Variants in THADA observed in about 807,000 individuals in gnomAD.
THADA encodes tRNA (32-2'-O)-methyltransferase regulator THADA.
Under a neutral mutation model 219.8 loss-of-function variants are expected in THADA, and 213 were observed. The observed-to-expected ratio is 0.97, with a 90% CI of 0.87 to 1.09. The LOEUF (loss-of-function observed/expected upper bound fraction) is 1.09, where lower values mean the gene tolerates loss of function less well. Among genes scored for constraint, THADA ranks in the 50% least tolerant of loss-of-function variants. THADA has a pLI of 0.00. For missense variants in THADA, 2,956 were observed against 2,311.3 expected, an observed-to-expected ratio of 1.28 and a Z score of -5.72; for synonymous variants, 1,018 against 828.9, an observed-to-expected ratio of 1.23 and a Z score of -3.92.
At chr2:43,497,856 G>C (rs895354742) in intron 25 of THADA, among the ~76,000 whole-genome samples, 4 of 152,122 alleles carry the variant, frequency 2.6e-5, no homozygotes, top group Non-Finnish European at 4.4e-5. Context: ...CTGCACTCCA[G>C]CCTGGGTGAC....
intron 31 of THADA, among the ~76,000 whole-genome samples, chr2:43,317,923 G>A (rs1038852100): frequency 6.6e-6 from 1 of 152,090 alleles, no homozygotes; most frequent in Non-Finnish European, 1.5e-5. Context: ...TACCTTTTGG[G>A]TTATGATGTC....
chr2:43,412,371 T>A (rs1390596020), intron 28 of THADA, among the ~76,000 whole-genome samples: 1 of 152,228 alleles, frequency 6.6e-6, no homozygotes, highest in African/African-American at 2.4e-5. Context: ...TGAAATTCAA[T>A]ACTGTTTAAC....
At chr2:43,275,187 T>C (rs1672592613) in intron 36 of THADA, among the ~76,000 whole-genome samples, 1 of 152,054 alleles carries the variant, frequency 6.6e-6, no homozygotes, top group South Asian at 2.1e-4. Flanking sequence ...GTATTTTTAT[T>C]AGAAATGGGG....
intron 29 of THADA, among the ~76,000 whole-genome samples, chr2:43,371,516 T>C (rs1258710816): frequency 1.3e-5 from 2 of 152,188 alleles, no homozygotes; most frequent in African/African-American, 2.4e-5. Context: ...CACAAGTAAA[T>C]TGTCTCTTTA....
At chr2:43,350,785 C>T (rs906778419) in intron 29 of THADA, among the ~76,000 whole-genome samples, 5 of 152,206 alleles carry the variant, frequency 3.3e-5, no homozygotes, top group African/African-American at 1.2e-4. Flanking sequence ...GGTTGCTTCC[C>T]TAAACTTCAA....
intron 22 of THADA, among the ~76,000 whole-genome samples, chr2:43,514,896 T>G (rs1691139484): frequency 1.2e-5 from 1 of 82,500 alleles, no homozygotes; most frequent in African/African-American, 5.2e-5. Context: ...ATATATATTT[T>G]ATGTATAATA....
intron 34 of THADA, 138 bp downstream of exon 34, chr2:43,291,558 G>C (rs565815740): frequency 2.6e-6 from 1 of 387,732 alleles, no homozygotes. Context: ...AAACCAGCAC[G>C]AACAATATTT....
At chr2:43,560,760 T>TGCTC (rs1468127447) in intron 15 of THADA, among the ~76,000 whole-genome samples, 1 of 152,140 alleles carries the variant, frequency 6.6e-6, no homozygotes, top group African/African-American at 2.4e-5. Context: ...CTCACACCTG[T>TGCTC]AATCCCAGCA....
chr2:43,548,015 G>C (rs1435144926), intron 20 of THADA, among the ~76,000 whole-genome samples: 1 of 152,074 alleles, frequency 6.6e-6, no homozygotes, highest in Non-Finnish European at 1.5e-5. Context: ...TTTGGTCTTT[G>C]ATGATGGTGA....
At chr2:43,537,667 T>C (rs1157676926) in intron 21 of THADA, among the ~76,000 whole-genome samples, 1 of 152,096 alleles carries the variant, frequency 6.6e-6, no homozygotes, top group Admixed American at 6.6e-5. Context: ...TACAACAGAA[T>C]CTAACATACA....
At chr2:43,377,066 A>C (rs1177195210) in intron 29 of THADA, among the ~76,000 whole-genome samples, 1 of 152,206 alleles carries the variant, frequency 6.6e-6, no homozygotes, top group African/African-American at 2.4e-5. Flanking sequence ...TCTTGGGCAG[A>C]ACATAGCCCC....
rs556433471 is a variant in THADA, at chr2:43,285,273, T to G, written c.5164+1635A>C. 2.0e-5 allele frequency among the ~76,000 whole-genome samples: 3 copies of G among 152,286 alleles called. No individual in the cohort carries two copies. The South Asian group carries it at 6.2e-4, about 32-fold the overall frequency. Reference sequence around the variant, plus strand: ...TTGTGTCCCCACCCAAATCTCATGTTGAATTGGAGGCGGGGCCTGGTGGGA... The same window carrying G: ...TTGTGTCCCCACCCAAATCTCATGTGGAATTGGAGGCGGGGCCTGGTGGGA... On this transcript the variant is annotated intron_variant, in intron 35 of 37. Coordinates refer to ENST00000405975, the MANE Select transcript of THADA (RefSeq NM_022065.5).
chr2:43,492,099 G>A (rs1175556380), intron 25 of THADA: 2 of 152,212 alleles, frequency 1.3e-5, no homozygotes, highest in African/African-American at 4.8e-5. Flanking sequence ...GATTGCTTGA[G>A]GTCAGGAGTT....
chr2:43,423,119 T>C (rs1225769080), intron 28 of THADA, among the ~76,000 whole-genome samples: 2 of 152,130 alleles, frequency 1.3e-5, no homozygotes, highest in African/African-American at 2.4e-5. Flanking sequence ...TTCACCCCTT[T>C]CCTCCCCATT....
At chr2:43,365,288 T>C (rs1654346665) in intron 29 of THADA, among the ~76,000 whole-genome samples, 1 of 151,954 alleles carries the variant, frequency 6.6e-6, no homozygotes, top group Admixed American at 6.6e-5. Flanking sequence ...CGCAAGAATA[T>C]ACGCAGATTC....
intron 20 of THADA, among the ~76,000 whole-genome samples, chr2:43,547,231 C>T (rs982549030): frequency 6.6e-5 from 10 of 152,120 alleles, no homozygotes; most frequent in South Asian, 4.2e-4. Context: ...GAGTTTCTGC[C>T]GAGAGATCCG....
chr2:43,559,174 CTG>C (rs1049736259), intron 16 of THADA, among the ~76,000 whole-genome samples: 5 of 152,148 alleles, frequency 3.3e-5, no homozygotes, highest in African/African-American at 1.2e-4. Context: ...TCTTTAAAAA[CTG>C]TGTATGGTAA....
At chr2:43,366,196 T>C (rs149658256) in intron 29 of THADA, among the ~76,000 whole-genome samples, 12 of 152,328 alleles carry the variant, frequency 7.9e-5, no homozygotes, top group African/African-American at 2.6e-4. Flanking sequence ...ACTTGGCACA[T>C]ACATATTTAG....
rs369252463 is a variant in THADA, at chr2:43,325,013, C to T, written c.4344-4473G>A. On this transcript the variant is annotated intron_variant, in intron 30 of 37. Coordinates refer to ENST00000405975, the MANE Select transcript of THADA (RefSeq NM_022065.5). ...TGACATACAGAAGATGAAACGAAGG[C>T]CCTGTTAAGAATCCTGTTTTCTTCC... is the stretch of plus-strand genomic sequence containing the variant. Among the ~76,000 whole-genome samples the T allele has an allele frequency of 1.1e-3, 161 of 152,284 alleles. 2 individuals are homozygous for T. Among genetic ancestry groups the T allele is most frequent in the African/African-American group, 3.7e-3 (153 of 41,560 alleles).
Sources: gnomAD v4.1 joint callset for allele counts (sites outside exome capture counted in the v4.1 genomes callset) on GRCh38, gnomAD v4.1.1 for gene constraint, MANE v1.5 for transcripts, NCBI Gene and HGNC (gene_info 2026-07-23, HGNC 2026-07-21) for gene names.